Variants in TSHZ2 observed in about 807,000 individuals in gnomAD.
The protein encoded by TSHZ2 is teashirt homolog 2.
A neutral mutation model predicts 74.4 loss-of-function variants in TSHZ2; 21 were observed. The observed-to-expected ratio is 0.28, with a 90% CI of 0.20 to 0.41. The LOEUF is 0.41. TSHZ2 is among the 10% of genes least tolerant of loss of function. The pLI, the probability that TSHZ2 is intolerant of heterozygous loss-of-function variation, is 1.00. For synonymous variants in TSHZ2, 540 were observed against 515.3 expected (o/e 1.05, Z -0.65); for missense variants, 1,244 against 1,293.5 (o/e 0.96, Z 0.59).
intron 1 of TSHZ2, among the ~76,000 whole-genome samples, chr20:52,974,930 T>A (rs1981272094): frequency 6.6e-6 from 1 of 152,188 alleles, no homozygotes. Context: ...GTGAGGTACG[T>A]ATTTGGAACT....
chr20:53,436,545 A>ATTTTTTTTT (rs1430483512), intron 2 of TSHZ2, among the ~76,000 whole-genome samples: 2 of 101,956 alleles, frequency 2.0e-5, no homozygotes, highest in African/African-American at 8.3e-5. Flanking sequence ...TATTATTATT[A>ATTTTTTTTT]TTATTTTTTT....
At chr20:52,987,434 CT>C (rs1226831548) in intron 1 of TSHZ2, among the ~76,000 whole-genome samples, 15 of 151,944 alleles carry the variant, frequency 9.9e-5, no homozygotes, top group African/African-American at 2.4e-4. Flanking sequence ...TATAAGTTCC[CT>C]TTTTTTATAC....
In TSHZ2 at chr20:53,254,058, G is replaced by A. The variant is rs1990398632; in HGVS notation, c.600G>A (p.Gln200=). 4 of 1,614,164 alleles carry A rather than the reference G, an allele frequency of 2.5e-6. No homozygotes were observed. The highest frequency in any genetic ancestry group is 3.4e-6 in the Non-Finnish European group (4 of 1,180,044). ...SLFSSVQLYR[Q]SSKMCGTVFT... Reference sequence around the variant, plus strand: ...TCAGCTCGGTGCAGTTGTACCGACAGAGCAGCAAGATGTGCGGGACTGTGT... The same window carrying A: ...TCAGCTCGGTGCAGTTGTACCGACAAAGCAGCAAGATGTGCGGGACTGTGT... The change falls in exon 2 of 3, where the codon CAG becomes CAA. Residue 200 remains glutamine, a synonymous_variant. Transcript: ENST00000371497.
At chr20:53,126,947 T>C (rs1439849680) in intron 1 of TSHZ2, among the ~76,000 whole-genome samples, 1 of 151,918 alleles carries the variant, frequency 6.6e-6, no homozygotes, top group Non-Finnish European at 1.5e-5. Flanking sequence ...TTCTGTCCGT[T>C]CCATGAATGT....
At chr20:53,104,638 A>G (rs937048774) in intron 1 of TSHZ2, among the ~76,000 whole-genome samples, 2 of 152,166 alleles carry the variant, frequency 1.3e-5, no homozygotes, top group African/African-American at 2.4e-5. Context: ...TGCCTCCTCT[A>G]TGCTTGGCTT....
chr20:52,979,047 G>A (rs1249502637), intron 1 of TSHZ2, among the ~76,000 whole-genome samples: 1 of 152,014 alleles, frequency 6.6e-6, no homozygotes, highest in South Asian at 2.1e-4. Flanking sequence ...TTCGATTATA[G>A]GAGGAAGTTA....
chr20:53,204,432 A>T (rs1255771165), intron 1 of TSHZ2, among the ~76,000 whole-genome samples: 1 of 150,936 alleles, frequency 6.6e-6, no homozygotes, highest in Non-Finnish European at 1.5e-5. Flanking sequence ...CTATTATATC[A>T]TAATATGATA....
At chr20:53,298,655 G>C (rs6097343) in intron 2 of TSHZ2, among the ~76,000 whole-genome samples, 21,055 of 152,164 alleles carry the variant, frequency 0.14, 1,559 homozygotes, top group East Asian at 0.24. Flanking sequence ...AGCTGTCTCA[G>C]AGAGGACCTT....
chr20:53,209,099 CA>C (rs1325518923), intron 1 of TSHZ2, among the ~76,000 whole-genome samples: 1 of 152,046 alleles, frequency 6.6e-6, no homozygotes, highest in East Asian at 1.9e-4. Context: ...CAAATATGCA[CA>C]TTTTTTTTTT....
rs555256779 is a variant in TSHZ2 at position 53,203,642 on chromosome 20, A to G, written c.41-49857A>G. 4.6e-5 allele frequency among the ~76,000 whole-genome samples: 7 copies of G among 152,318 alleles called. No homozygotes were observed. In the South Asian group the frequency reaches 1.2e-3, roughly 27 times the overall value. On this transcript the variant is annotated intron_variant, in intron 1 of 2. Coordinates refer to ENST00000371497, the MANE Select transcript of TSHZ2 (RefSeq NM_173485.6). Reference sequence around the variant, plus strand: ...CTGCCTCCCCTAGGAGGGCAGACTCATCTCCAGCCAAGGGTGCCAGGTGGA... The same window carrying G: ...CTGCCTCCCCTAGGAGGGCAGACTCGTCTCCAGCCAAGGGTGCCAGGTGGA...
intron 1 of TSHZ2, among the ~76,000 whole-genome samples, chr20:53,153,567 A>C (rs1303233248): frequency 6.6e-6 from 1 of 152,176 alleles, no homozygotes; most frequent in East Asian, 1.9e-4. Flanking sequence ...GAAATGGTTC[A>C]ATGTCAGAAC....
intron 1 of TSHZ2, among the ~76,000 whole-genome samples, chr20:53,001,205 C>CGTGTGTGTGTGTGTGTGT (rs558621179): frequency 1.1e-5 from 1 of 94,192 alleles, no homozygotes; most frequent in Non-Finnish European, 2.3e-5. Flanking sequence ...CGTTCATGTG[C>CGTGTGTGTGTGTGTGTGT]GTGTGTGTGT....
chr20:53,148,237 C>T (rs192156302), intron 1 of TSHZ2, among the ~76,000 whole-genome samples: 2 of 152,290 alleles, frequency 1.3e-5, no homozygotes, highest in African/African-American at 4.8e-5. Context: ...ATGTCTAGAA[C>T]AGTGGTTCTC....
chr20:53,096,607 G>A (rs1986056827), intron 1 of TSHZ2, among the ~76,000 whole-genome samples: 1 of 152,088 alleles, frequency 6.6e-6, no homozygotes, highest in South Asian at 2.1e-4. Context: ...TCTCGGCCAG[G>A]CGCGGTGGCT....
intron 1 of TSHZ2, among the ~76,000 whole-genome samples, chr20:53,232,536 C>T (rs1989850255): frequency 6.6e-6 from 1 of 152,108 alleles, no homozygotes; most frequent in Admixed American, 6.5e-5. Flanking sequence ...AGATGTGTTG[C>T]AAGGAAACCC....
Position 53,392,559 on chromosome 20 carries a change from A to G in TSHZ2, c.*9-94585A>G, listed in dbSNP as rs934904748. Reference sequence around the variant, plus strand: ...GAAATTGTGCCAACAGTTTTGTAGCAATTAAGTATAAATCCACATTGCATG... The same window carrying G: ...GAAATTGTGCCAACAGTTTTGTAGCGATTAAGTATAAATCCACATTGCATG... On this transcript the variant is annotated intron_variant, in intron 2 of 2. Coordinates refer to ENST00000371497, the MANE Select transcript of TSHZ2 (RefSeq NM_173485.6). 9.2e-5 allele frequency among the ~76,000 whole-genome samples: 14 copies of G among 152,370 alleles called. No homozygotes were observed. The South Asian group carries it at 2.9e-3, about 32-fold the overall frequency.
rs1484830229 is a variant in TSHZ2, at chr20:53,403,554, T to C, written c.*9-83590T>C. 3.3e-5 allele frequency among the ~76,000 whole-genome samples: 5 copies of C among 152,290 alleles called. No individual in the cohort carries two copies. In the East Asian group the frequency reaches 9.6e-4, roughly 29 times the overall value. On this transcript the variant is annotated intron_variant, in intron 2 of 2. Transcript: ENST00000371497. ...GAACTCTGTGTGCAGCATCCACATC[T>C]GGTCTGTGTCCTCCTTCATGTTCAC...
At chr20:53,445,579 G>A (rs997523500) in intron 2 of TSHZ2, among the ~76,000 whole-genome samples, 6 of 152,140 alleles carry the variant, frequency 3.9e-5, no homozygotes, top group Non-Finnish European at 7.4e-5. Flanking sequence ...ACTTTTTTGA[G>A]CACTCTACTC....
intron 2 of TSHZ2, among the ~76,000 whole-genome samples, chr20:53,418,948 G>A (rs544780130): frequency 5.3e-5 from 8 of 152,204 alleles, no homozygotes; most frequent in South Asian, 2.1e-4. Context: ...GTAAACATCC[G>A]GGTTCATCCC....
Sources: allele counts gnomAD v4.1 joint callset (sites outside exome capture counted in the v4.1 genomes callset), GRCh38; gene constraint gnomAD v4.1.1; transcripts MANE v1.5; gene names NCBI Gene and HGNC (gene_info 2026-07-23, HGNC 2026-07-21).